Variants in BCHE observed in about 807,000 individuals in gnomAD.
The protein encoded by BCHE is butyrylcholinesterase.
BCHE carries 48 observed loss-of-function variants against 51.3 expected under a neutral mutation model. That is an observed-to-expected ratio of 0.94 (90% CI 0.74 to 1.19). The LOEUF (loss-of-function observed/expected upper bound fraction) is 1.19, where lower values mean the gene tolerates loss of function less well. Ranked by LOEUF, BCHE falls within the 50% of genes most tolerant of loss-of-function variation. The pLI, the probability that BCHE is intolerant of heterozygous loss-of-function variation, is 0.00. For missense variants in BCHE, 847 were observed against 708.2 expected (o/e 1.20, Z -2.23); for synonymous variants, 251 against 238.0 (o/e 1.05, Z -0.50).
intron 3 of BCHE, among the ~76,000 whole-genome samples, chr3:165,780,069 G>A (rs1425276498): frequency 1.3e-5 from 2 of 152,100 alleles, no homozygotes; most frequent in African/African-American, 2.4e-5. Flanking sequence ...GAGACATATA[G>A]ACCAATGACA....
intron 2 of BCHE, among the ~76,000 whole-genome samples, chr3:165,799,825 T>C (rs935277309): frequency 3.3e-5 from 5 of 152,074 alleles, no homozygotes; most frequent in African/African-American, 1.2e-4. Context: ...TAATTTCAAA[T>C]CTATATTAAT....
chr3:165,797,268 T>C (rs1182664751), intron 2 of BCHE, among the ~76,000 whole-genome samples: 1 of 882 alleles, frequency 1.1e-3, no homozygotes, highest in Non-Finnish European at 2.4e-3. Flanking sequence ...TTCCCTTCCT[T>C]CCTTCCTTCC....
At position 165,810,178 on chromosome 3, in the gene BCHE, T is replaced by C. The variant is rs73028224; in HGVS notation, c.1517+19339A>G. 2.3e-3 allele frequency among the ~76,000 whole-genome samples: 349 copies of C among 152,326 alleles called. 4 individuals are homozygous for C. The highest frequency in any genetic ancestry group is 8.1e-3 in the African/African-American group (335 of 41,570). On this transcript the variant is annotated intron_variant, in intron 2 of 3. Transcript: ENST00000264381. ...AGGCTATCTTTTGCTTACTGAGTTT[T>C]TAAACATAAATATCTGATAACAAGT...
At chr3:165,780,716 A>AGTCTT (rs1712662499) in intron 3 of BCHE, among the ~76,000 whole-genome samples, 1 of 152,188 alleles carries the variant, frequency 6.6e-6, no homozygotes, top group Non-Finnish European at 1.5e-5. Context: ...ATGAGATACC[A>AGTCTT]TCTCACACCA....
intron 2 of BCHE, among the ~76,000 whole-genome samples, chr3:165,823,836 C>T (rs1280884566): frequency 2.0e-5 from 3 of 151,954 alleles, no homozygotes; most frequent in Non-Finnish European, 4.4e-5. Context: ...TAGTCCACTA[C>T]AGCCATGAAT....
At chr3:165,789,161 G>A (rs2108204794) in intron 2 of BCHE, among the ~76,000 whole-genome samples, 1 of 152,188 alleles carries the variant, frequency 6.6e-6, no homozygotes, top group East Asian at 1.9e-4. Flanking sequence ...TTTCCATGAA[G>A]TTGTATGTGT....
At chr3:165,825,600 G>A (rs369646014) in intron 2 of BCHE, among the ~76,000 whole-genome samples, 69 of 151,832 alleles carry the variant, frequency 4.5e-4, no homozygotes, top group African/African-American at 1.5e-3. Context: ...TGTGCACAAC[G>A]TACAGCTTAG....
At chr3:165,801,989 C>T (rs1713668612) in intron 2 of BCHE, among the ~76,000 whole-genome samples, 1 of 152,140 alleles carries the variant, frequency 6.6e-6, no homozygotes, top group South Asian at 2.1e-4. Context: ...TTTTGCAGGA[C>T]CACACTATAT....
chr3:165,837,130 G>A, intron 1 of BCHE, among the ~76,000 whole-genome samples, 184 bp downstream of exon 1: 1 of 152,126 alleles, frequency 6.6e-6, no homozygotes, highest in Non-Finnish European at 1.5e-5. Context: ...CTGAATAATA[G>A]GAAGATTTGA....
At chr3:165,814,335 T>C (rs1038200287) in intron 2 of BCHE, among the ~76,000 whole-genome samples, 2 of 152,092 alleles carry the variant, frequency 1.3e-5, no homozygotes, top group Non-Finnish European at 2.9e-5. Context: ...ACCATTTTTT[T>C]AAGAAGATAA....
At position 165,830,770 on chromosome 3, in the gene BCHE, T is replaced by G; in HGVS notation, c.264A>C (p.Lys88Asn). ...TKWSDIWNATKYANSCCQNID... is the reference protein window; with the variant it reads ...TKWSDIWNATNYANSCCQNID... Reference sequence around the variant, plus strand: ...TGTTCTGACAGCAAGAATTTGCATATTTTGTGGCATTCCAAATATCAGACC... The same window carrying G: ...TGTTCTGACAGCAAGAATTTGCATAGTTTGTGGCATTCCAAATATCAGACC... Residue 88 changes from lysine (K) to asparagine (N), a missense_variant, in exon 2 of 4, where the codon AAA becomes AAC. By Grantham distance (94) the Lys-to-Asn change is moderately conservative. Coordinates refer to ENST00000264381, the MANE Select transcript of BCHE (RefSeq NM_000055.4). 6.2e-7 allele frequency: 1 copy of G among 1,613,718 alleles called. No homozygotes were observed.
At chr3:165,791,029 G>C (rs1278975176) in intron 2 of BCHE, among the ~76,000 whole-genome samples, 1 of 152,168 alleles carries the variant, frequency 6.6e-6, no homozygotes, top group Non-Finnish European at 1.5e-5. Context: ...CAGGCACGGT[G>C]GCTCACGCCT....
intron 3 of BCHE, chr3:165,778,806 A>G (rs1489256176): frequency 5.5e-6 from 2 of 365,128 alleles, no homozygotes; most frequent in South Asian, 2.0e-5. Context: ...TCTATTAGGT[A>G]TCTTGTTATA....
At chr3:165,773,530 A>G (rs1360306361) in intron 3 of BCHE, 24 bp from the exon 4 acceptor site, 14 of 1,585,284 alleles carry the variant, frequency 8.8e-6, no homozygotes, top group Non-Finnish European at 1.2e-5. Flanking sequence ...AATAAGTTGT[A>G]TTAATCAAAA....
At chr3:165,788,901 T>C (rs960147357) in intron 2 of BCHE, among the ~76,000 whole-genome samples, 4 of 152,288 alleles carry the variant, frequency 2.6e-5, no homozygotes, top group African/African-American at 9.6e-5. Context: ...ATTGAAGTGA[T>C]GCAGTATTTT....
At chr3:165,789,998 G>A (rs1184970778) in intron 2 of BCHE, among the ~76,000 whole-genome samples, 3 of 152,056 alleles carry the variant, frequency 2.0e-5, no homozygotes, top group Non-Finnish European at 4.4e-5. Flanking sequence ...ATGATACTAG[G>A]TGCTAGTGAT....
At chr3:165,807,093 TTTTAA>T (rs1448271372) in intron 2 of BCHE, among the ~76,000 whole-genome samples, 2 of 152,082 alleles carry the variant, frequency 1.3e-5, no homozygotes, top group Admixed American at 6.5e-5. Flanking sequence ...TTCATTTCCT[TTTTAA>T]TTTTAGAGCT....
intron 2 of BCHE, among the ~76,000 whole-genome samples, chr3:165,821,156 T>A (rs1371573488): frequency 6.6e-6 from 1 of 151,968 alleles, no homozygotes; most frequent in East Asian, 1.9e-4. Context: ...CTTTAACTGA[T>A]ATTATTTTGA....
At chr3:165,791,988 T>TAAAATAAAAC (rs372410356) in intron 2 of BCHE, among the ~76,000 whole-genome samples, 101 of 151,506 alleles carry the variant, frequency 6.7e-4, no homozygotes, top group African/African-American at 1.9e-3. Flanking sequence ...TAAAATAAAA[T>TAAAATAAAAC]AAAGAGTTCA....
Sources: allele counts gnomAD v4.1 joint callset (sites outside exome capture counted in the v4.1 genomes callset), GRCh38; gene constraint gnomAD v4.1.1; transcripts MANE v1.5; gene names NCBI Gene and HGNC (gene_info 2026-07-23, HGNC 2026-07-21).